The following CYP20A1 variants were observed in gnomAD, a reference collection of about 807,000 sequenced individuals.
CYP20A1 encodes the protein cytochrome P450 family 20 subfamily A member 1.
In CYP20A1, 61 loss-of-function variants were observed where a neutral mutation model predicts 61.4. The ratio of observed to expected loss-of-function variants is 0.99; its 90% CI spans 0.81 to 1.23. CYP20A1 has a LOEUF of 1.23. CYP20A1 is among the 50% of genes most tolerant of loss of function. CYP20A1 has a pLI of 0.00. For synonymous variants in CYP20A1, 193 were observed against 188.2 expected (o/e 1.03, Z -0.21); for missense variants, 530 against 542.4 (o/e 0.98, Z 0.23).
chr2:203,241,581 C>G (rs1369968246), intron 1 of CYP20A1, among the ~76,000 whole-genome samples: 1 of 152,160 alleles, frequency 6.6e-6, no homozygotes, highest in East Asian at 1.9e-4. Flanking sequence ...ATGTTTTAAG[C>G]AGAAGAGGAT....
chr2:203,248,038 C>T (rs983676180), intron 3 of CYP20A1, among the ~76,000 whole-genome samples: 1 of 151,998 alleles, frequency 6.6e-6, no homozygotes, highest in South Asian at 2.1e-4. Flanking sequence ...CCAGTCTGGG[C>T]AACATAGTGA....
At chr2:203,248,928 C>A (rs2066560577) in intron 3 of CYP20A1, among the ~76,000 whole-genome samples, 1 of 152,130 alleles carries the variant, frequency 6.6e-6, no homozygotes, top group African/African-American at 2.4e-5. Context: ...CCAGGCTGGC[C>A]TCCAACTCCT....
intron 8 of CYP20A1, 77 bp downstream of exon 8, chr2:203,280,190 C>T: frequency 8.5e-7 from 1 of 1,172,082 alleles, no homozygotes. Flanking sequence ...ACCTGTAATC[C>T]CAACACTTGG....
intron 4 of CYP20A1, among the ~76,000 whole-genome samples, chr2:203,261,941 G>A (rs1156775391): frequency 6.6e-6 from 1 of 152,124 alleles, no homozygotes; most frequent in Non-Finnish European, 1.5e-5. Context: ...CCATGCTGCA[G>A]GAGGTGCTGC....
Position 203,299,759 on chromosome 2 carries a change from A to T in CYP20A1, c.*2851A>T, listed in dbSNP as rs577037849. On this transcript the variant is annotated 3_prime_UTR_variant, in exon 13 of 13. Coordinates refer to ENST00000356079, the MANE Select transcript of CYP20A1 (RefSeq NM_177538.3). ...CTTGGTGGTGCATGCCTGTAATACC[A>T]GCTACTCGGGAGGCTGAAGCAGGAG... Among the ~76,000 whole-genome samples, 231 of 152,144 alleles carry T rather than the reference A, an allele frequency of 1.5e-3. No homozygotes were observed. Among genetic ancestry groups the T allele is most frequent in the African/African-American group, 5.4e-3 (225 of 41,534 alleles).
chr2:203,294,941 A>T (rs959000914), intron 11 of CYP20A1, among the ~76,000 whole-genome samples: 5,731 of 45,646 alleles, frequency 0.13, 583 homozygotes, highest in Middle Eastern at 0.33. Context: ...CTTTAAAAAA[A>T]TTTTTTTTTT....
intron 6 of CYP20A1, among the ~76,000 whole-genome samples, chr2:203,277,805 C>T (rs62183907): frequency 0.44 from 67,577 of 151,994 alleles, 16,853 homozygotes; most frequent in Middle Eastern, 0.67. Context: ...TGAGCCACTG[C>T]GCCCAGCCTC....
chr2:203,303,098 T>A lies in CYP20A1; in HGVS notation c.*6190T>A, dbSNP rs1193954664. On this transcript the variant is annotated 3_prime_UTR_variant, in exon 13 of 13. Transcript: ENST00000356079. ...TCACTGCAACCCCTGCCTCCCAGGT[T>A]CAAGCAATTCTCCTGCCTCAGCCTC... Among the ~76,000 whole-genome samples the A allele has an allele frequency of 6.6e-6, 1 of 152,118 alleles. No homozygotes were observed. Among genetic ancestry groups the A allele is most frequent in the African/African-American group, 2.4e-5 (1 of 41,432 alleles).
chr2:203,303,234 A>T lies in CYP20A1; in HGVS notation c.*6326A>T, dbSNP rs2069093078. On this transcript the variant is annotated 3_prime_UTR_variant, in exon 13 of 13. Coordinates refer to ENST00000356079, the MANE Select transcript of CYP20A1 (RefSeq NM_177538.3). ...TGGCCAGGCTGGTCTTGAACTCCTA[A>T]CCTCAGGTGATTCACACCCCTTGGC... Among the ~76,000 whole-genome samples the T allele has an allele frequency of 6.7e-6, 1 of 149,584 alleles. No individual in the cohort carries two copies. The highest frequency in any genetic ancestry group is 1.5e-5 in the Non-Finnish European group (1 of 67,426).
At chr2:203,290,832 G>A (rs1051680885) in intron 10 of CYP20A1, among the ~76,000 whole-genome samples, 1 of 151,876 alleles carries the variant, frequency 6.6e-6, no homozygotes, top group Non-Finnish European at 1.5e-5. Flanking sequence ...TAGTAGAGAT[G>A]GGGTTTCACC....
chr2:203,271,082 ATTTTT>A (rs1161241853), intron 5 of CYP20A1, among the ~76,000 whole-genome samples: 679 of 31,390 alleles, frequency 0.022, 9 homozygotes, highest in African/African-American at 0.044. Context: ...ATATATATAT[ATTTTT>A]TTTTTTTTTT....
chr2:203,283,861 T>C (rs2068151767), intron 8 of CYP20A1, among the ~76,000 whole-genome samples: 2 of 152,098 alleles, frequency 1.3e-5, no homozygotes. Context: ...ATATTAATTT[T>C]AAGTGATAAT....
chr2:203,282,145 C>G (rs2068068519), intron 8 of CYP20A1, among the ~76,000 whole-genome samples: 1 of 145,352 alleles, frequency 6.9e-6, no homozygotes, highest in Non-Finnish European at 1.5e-5. Context: ...TCAAGTGATT[C>G]TCCTGCCTTA....
intron 3 of CYP20A1, 70 bp from the exon 4 acceptor site, chr2:203,251,897 C>A: frequency 8.0e-7 from 1 of 1,243,078 alleles, no homozygotes; most frequent in South Asian, 2.5e-5. Context: ...TCCCTGATCT[C>A]TTGTTCTCTT....
At chr2:203,240,500 A>G (rs891818880) in intron 1 of CYP20A1, among the ~76,000 whole-genome samples, 4 of 152,236 alleles carry the variant, frequency 2.6e-5, no homozygotes, top group African/African-American at 4.8e-5. Flanking sequence ...GGAACAGACA[A>G]TAGAAACAAA....
chr2:203,247,590 G>A (rs968456884), intron 3 of CYP20A1, among the ~76,000 whole-genome samples: 3 of 152,134 alleles, frequency 2.0e-5, no homozygotes, highest in Non-Finnish European at 2.9e-5. Context: ...TGGGCATGGT[G>A]GCTCACACCT....
At chr2:203,264,317 G>A (rs1015088404) in intron 4 of CYP20A1, among the ~76,000 whole-genome samples, 2 of 152,132 alleles carry the variant, frequency 1.3e-5, no homozygotes, top group South Asian at 2.1e-4. Context: ...ATGTTTGGAA[G>A]TTAGGACATT....
rs1187445044 is a variant in CYP20A1 at position 203,296,955 on chromosome 2, C to T, written c.*47C>T. ...TTGTTAAATTGATTGAGGAAAACAA[C>T]CATTTAAAAAAAATCTATGTTGAAT... On this transcript the variant is annotated 3_prime_UTR_variant, in exon 13 of 13. Transcript: ENST00000356079. 1.8e-6 allele frequency: 2 copies of T among 1,140,052 alleles called. No homozygotes were observed. The highest frequency in any genetic ancestry group is 2.5e-6 in the Non-Finnish European group (2 of 812,606). The allele number at this position is 1,140,052 out of a possible 1,614,324, so 70.6% of individuals were successfully genotyped here.
At chr2:203,290,175 A>G (rs1189473558) in intron 10 of CYP20A1, among the ~76,000 whole-genome samples, 2 of 152,138 alleles carry the variant, frequency 1.3e-5, no homozygotes, top group Non-Finnish European at 1.5e-5. Flanking sequence ...TCCTGACCTC[A>G]GGTGATCTGC....
Sources: allele counts gnomAD v4.1 joint callset (sites outside exome capture counted in the v4.1 genomes callset), GRCh38; gene constraint gnomAD v4.1.1; transcripts MANE v1.5; gene names NCBI Gene and HGNC (gene_info 2026-07-23, HGNC 2026-07-21).